LZIC: variants seen among roughly 807,000 people sequenced by gnomAD.
The protein encoded by LZIC is leucine zipper and CTNNBIP1 domain containing.
LZIC carries 28 observed loss-of-function variants against 25.4 expected under a neutral mutation model. The observed-to-expected ratio is 1.10, with a 90% confidence interval of 0.82 to 1.51. The LOEUF is 1.51. Among genes scored for constraint, LZIC ranks in the 40% most tolerant of loss-of-function variants. The pLI, the probability that LZIC is intolerant of heterozygous loss-of-function variation, is 0.00. For missense variants in LZIC, 170 were observed against 211.1 expected, an observed-to-expected ratio of 0.81 and a Z score of 1.21; for synonymous variants, 65 against 70.7, an observed-to-expected ratio of 0.92 and a Z score of 0.40.
At chr1:9,922,878 C>G (rs892628152), downstream of LZIC, among the ~76,000 whole-genome samples, 2 of 152,170 alleles carry the variant, frequency 1.3e-5, no homozygotes, top group Non-Finnish European at 2.9e-5. Context: ...GATAAAGGAA[C>G]TAGTTTTAAT....
At position 9,928,323 on chromosome 1, in the gene LZIC, G is replaced by GACAACA. The variant is rs952404554; in HGVS notation, c.*2070_*2075dup. Among the ~76,000 whole-genome samples the GACAACA allele has an allele frequency of 1.5e-4, 22 of 151,666 alleles. No individual in the cohort carries two copies. Among genetic ancestry groups the GACAACA allele is most frequent in the Middle Eastern group, 3.4e-3 (1 of 292 alleles). On this transcript the variant is annotated 3_prime_UTR_variant, in exon 8 of 8. Transcript: ENST00000377223. ...GTGAAACTCCATCTCAAAAAACAAC[G>GACAACA]ACAACAACAACAACACAACAACAAA...
At chr1:9,925,464 T>C (rs1182660030), downstream of LZIC, among the ~76,000 whole-genome samples, 1 of 152,242 alleles carries the variant, frequency 6.6e-6, no homozygotes, top group Non-Finnish European at 1.5e-5. Flanking sequence ...TTCAACTGCC[T>C]GAGGCTGTAA....
downstream of LZIC, chr1:9,922,404 C>T (rs1387981084): frequency 1.4e-6 from 1 of 738,970 alleles, no homozygotes; most frequent in African/African-American, 1.9e-5. Context: ...CAAGTGGAGG[C>T]AATTCACTTA....
At chr1:9,941,369 A>G (rs1640723333) in intron 2 of LZIC, among the ~76,000 whole-genome samples, 1 of 150,986 alleles carries the variant, frequency 6.6e-6, no homozygotes, top group African/African-American at 2.4e-5. Context: ...TGATTTTTGT[A>G]CTTTTAGTAG....
chr1:9,922,472 G>T, downstream of LZIC: 1 of 270,934 alleles, frequency 3.7e-6, no homozygotes, highest in Non-Finnish European at 5.6e-6. Flanking sequence ...GCCTGAAATA[G>T]CTACAGGCTC....
chr1:9,935,975 C>A (rs1260011822), intron 3 of LZIC, among the ~76,000 whole-genome samples: 2 of 151,890 alleles, frequency 1.3e-5, no homozygotes, highest in East Asian at 1.9e-4. Flanking sequence ...ACTAAAAATA[C>A]AAAATTAGCC....
Position 9,943,317 on chromosome 1 carries a change from T to C in LZIC, c.-236A>G. On this transcript the variant is annotated 5_prime_UTR_variant, in exon 1 of 8. Transcript: ENST00000377223. ...CCTGTGCCGCCTGACCGCCCGCCAG[T>C]CCCAGAGTTTAGGGCCAGGGGCCCC... The C allele has an allele frequency of 6.5e-6, 1 of 153,926 alleles. No individual in the cohort carries two copies. The highest frequency in any genetic ancestry group is 1.5e-5 in the Non-Finnish European group (1 of 68,856). The allele number at this position is 153,926 out of a possible 1,614,324, so 9.5% of individuals were successfully genotyped here. A position where few individuals can be genotyped will look rare whatever the true frequency, so the allele number is the denominator to read the frequency against.
intron 2 of LZIC, among the ~76,000 whole-genome samples, chr1:9,938,906 T>C (rs1640571097): frequency 6.6e-6 from 1 of 152,206 alleles, no homozygotes. Context: ...TGCTTTGAAG[T>C]AGGGGTCTAA....
chr1:9,929,625 C>T lies in LZIC; in HGVS notation c.*774G>A, dbSNP rs1557433448. On this transcript the variant is annotated 3_prime_UTR_variant, in exon 8 of 8. Coordinates refer to ENST00000377223, the MANE Select transcript of LZIC (RefSeq NM_032368.5). ...CAGGCGGCTAAGTCACTTTAGGAAA[C>T]GCTCAACAGGGCTCCCATTGTTCCA... 4 of 985,224 alleles carry T rather than the reference C, an allele frequency of 4.1e-6. No homozygotes were observed. Among genetic ancestry groups the T allele is most frequent in the Non-Finnish European group, 3.6e-6 (3 of 829,924 alleles). 61.0% of individuals were successfully genotyped at this position (985,224 alleles called of 1,614,324 possible). A position where few individuals can be genotyped will look rare whatever the true frequency, so the allele number is the denominator to read the frequency against.
At chr1:9,924,441 G>A (rs896303551), downstream of LZIC, among the ~76,000 whole-genome samples, 6 of 151,648 alleles carry the variant, frequency 4.0e-5, no homozygotes, top group Non-Finnish European at 8.8e-5. Flanking sequence ...TGCAACCTCC[G>A]CCTCCCGGGT....
At chr1:9,939,373 C>CTTTTTTTT (rs371491173) in intron 2 of LZIC, among the ~76,000 whole-genome samples, 2 of 133,412 alleles carry the variant, frequency 1.5e-5, no homozygotes, top group African/African-American at 2.7e-5. Flanking sequence ...TTTTTTTTTT[C>CTTTTTTTT]TTTTTTTTTT....
At position 9,932,786 on chromosome 1, in the gene LZIC, A is replaced by G. The variant is rs778852008; in HGVS notation, c.432+17T>C. ...TTCATACTTTTTCTTTGTAACTAAT[A>G]TATTAAATACTGGTACCTTCTCTCC... On this transcript the variant is annotated intron_variant, in intron 6 of 7. Transcript: ENST00000377223. 1.8e-5 allele frequency: 26 copies of G among 1,417,218 alleles called. No homozygotes were observed. In the East Asian group the frequency reaches 5.2e-4, roughly 29 times the overall value. The allele number at this position is 1,417,218 out of a possible 1,614,324, so 87.8% of individuals were successfully genotyped here. A position where few individuals can be genotyped will look rare whatever the true frequency, so the allele number is the denominator to read the frequency against.
rs1421449367 is a variant in LZIC, at chr1:9,930,472, A to T, written c.515-15T>A. The T allele has an allele frequency of 6.2e-7, 1 of 1,612,328 alleles. No homozygotes were observed. Reference sequence around the variant, plus strand: ...GTCTCCAGAGCCTAAGAAAAAAGACACATAATAAACAAAAAGATTATTTCA... The same window carrying T: ...GTCTCCAGAGCCTAAGAAAAAAGACTCATAATAAACAAAAAGATTATTTCA... On this transcript the variant is annotated splice_polypyrimidine_tract_variant and intron_variant, in intron 7 of 7. Coordinates refer to ENST00000377223, the MANE Select transcript of LZIC (RefSeq NM_032368.5).
chr1:9,942,389 TA>T (rs1640797783), intron 2 of LZIC, among the ~76,000 whole-genome samples: 1 of 152,194 alleles, frequency 6.6e-6, no homozygotes, highest in African/African-American at 2.4e-5. Context: ...GTCACGTATA[TA>T]AAGGCTCAAC....
At position 9,930,063 on chromosome 1, in the gene LZIC, C is replaced by T; in HGVS notation, c.*336G>A. 9.5e-7 allele frequency: 1 copy of T among 1,049,016 alleles called. No homozygotes were observed. Among genetic ancestry groups the T allele is most frequent in the Non-Finnish European group, 1.2e-6 (1 of 868,486 alleles). The allele number at this position is 1,049,016 out of a possible 1,614,324, so 65.0% of individuals were successfully genotyped here. ...TAAGCAGAAAAATATCATTACTTCA[C>T]ATCTTTTCGTTCACTATCAACACTT... On this transcript the variant is annotated 3_prime_UTR_variant, in exon 8 of 8. Transcript: ENST00000377223.
At chr1:9,932,012 G>T in intron 6 of LZIC, 40 bp from the exon 7 acceptor site, 1 of 1,400,586 alleles carries the variant, frequency 7.1e-7, no homozygotes, top group Non-Finnish European at 9.8e-7. Context: ...GTGGGTAAAT[G>T]TTACAGGTGG....
rs1389659184 is a variant in LZIC at position 9,927,072 on chromosome 1, G to A, written c.*3327C>T. Among the ~76,000 whole-genome samples the A allele has an allele frequency of 1.3e-5, 2 of 152,140 alleles. No individual in the cohort carries two copies. Among genetic ancestry groups the A allele is most frequent in the Admixed American group, 6.6e-5 (1 of 15,264 alleles). On this transcript the variant is annotated 3_prime_UTR_variant, in exon 8 of 8. Coordinates refer to ENST00000377223, the MANE Select transcript of LZIC (RefSeq NM_032368.5). ...TAGGCCCTATTATCCTCATTGAATAGAAGAGAAAAGGAGGCTCAAAAAAAT... is the reference window on the plus strand; with the variant it reads ...TAGGCCCTATTATCCTCATTGAATAAAAGAGAAAAGGAGGCTCAAAAAAAT...
chr1:9,924,322 G>T (rs1639928942), downstream of LZIC, among the ~76,000 whole-genome samples: 1 of 151,662 alleles, frequency 6.6e-6, no homozygotes, highest in African/African-American at 2.4e-5. Flanking sequence ...GAAAAAAAAG[G>T]CTCTATCCAA....
chr1:9,928,737 G>A lies in LZIC; in HGVS notation c.*1662C>T, dbSNP rs139646017. 3.6e-3 allele frequency among the ~76,000 whole-genome samples: 540 copies of A among 151,980 alleles called. No homozygotes were observed. The highest frequency in any genetic ancestry group is 6.3e-3 in the Non-Finnish European group (427 of 67,986). Reference sequence around the variant, plus strand: ...CTAAAGGTACAAAAATTAGCTGGGCGTGGTGGTACACACTAGTAATCCCAG... The same window carrying A: ...CTAAAGGTACAAAAATTAGCTGGGCATGGTGGTACACACTAGTAATCCCAG... On this transcript the variant is annotated 3_prime_UTR_variant, in exon 8 of 8. Coordinates refer to ENST00000377223, the MANE Select transcript of LZIC (RefSeq NM_032368.5).
Sources: gnomAD v4.1 joint callset for allele counts (sites outside exome capture counted in the v4.1 genomes callset) on GRCh38, gnomAD v4.1.1 for gene constraint, MANE v1.5 for transcripts, NCBI Gene and HGNC (gene_info 2026-07-23, HGNC 2026-07-21) for gene names.